The following XKR9 variants were observed in gnomAD, a reference collection of about 807,000 sequenced individuals.
XKR9 encodes XK-related protein 9.
XKR9 carries 32 observed loss-of-function variants against 32.0 expected under a neutral mutation model. The ratio of observed to expected loss-of-function variants is 1.00; its 90% CI spans 0.76 to 1.34. The LOEUF (loss-of-function observed/expected upper bound fraction) is 1.34, where lower values mean the gene tolerates loss of function less well. Ranked by LOEUF, XKR9 falls within the 40% of genes most tolerant of loss-of-function variation. The pLI, the probability that XKR9 is intolerant of heterozygous loss-of-function variation, is 0.00. For synonymous variants in XKR9, 168 were observed against 143.4 expected, an observed-to-expected ratio of 1.17 and a Z score of -1.22; for missense variants, 546 against 429.7, an observed-to-expected ratio of 1.27 and a Z score of -2.39.
intron 3 of XKR9, among the ~76,000 whole-genome samples, chr8:70,700,404 A>G (rs928790886): frequency 3.9e-5 from 6 of 152,218 alleles, no homozygotes; most frequent in African/African-American, 1.4e-4. Context: ...TCTGACAGAC[A>G]GGACCCTCAG....
At chr8:70,871,902 C>A in the XKR9 span, among the ~76,000 whole-genome samples, 2 of 152,212 alleles carry the variant, frequency 1.3e-5, no homozygotes, top group Non-Finnish European at 2.9e-5. Flanking sequence ...GTTCCATATT[C>A]TAGTTCTAGT....
intron 2 of XKR9, among the ~76,000 whole-genome samples, chr8:70,752,144 C>A (rs1207537782): frequency 6.6e-6 from 1 of 152,222 alleles, no homozygotes; most frequent in Non-Finnish European, 1.5e-5. Context: ...TAAGCAACCA[C>A]AATCTGCCTT....
chr8:70,925,320 G>A, the XKR9 span, among the ~76,000 whole-genome samples: 2 of 152,032 alleles, frequency 1.3e-5, no homozygotes, highest in Non-Finnish European at 2.9e-5. Context: ...AATATGTGTT[G>A]AATAAAGAAC....
At chr8:70,785,403 C>T (rs1807671428) in intron 2 of XKR9, among the ~76,000 whole-genome samples, 2 of 151,836 alleles carry the variant, frequency 1.3e-5, no homozygotes, top group South Asian at 4.1e-4. Flanking sequence ...TATTTTTAAT[C>T]AGTCTAACTG....
At chr8:70,747,166 A>G (rs1807069963) in intron 2 of XKR9, among the ~76,000 whole-genome samples, 1 of 152,142 alleles carries the variant, frequency 6.6e-6, no homozygotes, top group African/African-American at 2.4e-5. Flanking sequence ...CCATTGATAA[A>G]CACCTGGGTT....
downstream of XKR9, chr8:70,790,419 C>G (rs1216004544): frequency 2.0e-5 from 3 of 152,022 alleles, no homozygotes; most frequent in African/African-American, 7.2e-5. Flanking sequence ...ATATTTTGTA[C>G]TTAGTCATTC....
At chr8:70,727,834 G>A (rs951750500) in intron 4 of XKR9, among the ~76,000 whole-genome samples, 1 of 151,742 alleles carries the variant, frequency 6.6e-6, no homozygotes, top group Non-Finnish European at 1.5e-5. Context: ...TTGGGTGGGG[G>A]CTACGAGATC....
intron 2 of XKR9, among the ~76,000 whole-genome samples, chr8:70,758,218 G>A (rs1338057674): frequency 6.6e-6 from 1 of 152,000 alleles, no homozygotes; most frequent in African/African-American, 2.4e-5. Flanking sequence ...TCGTTCCTTA[G>A]GGAGGCACAG....
chr8:70,774,299 T>A (rs1807490521), intron 2 of XKR9, among the ~76,000 whole-genome samples: 1 of 152,166 alleles, frequency 6.6e-6, no homozygotes, highest in Non-Finnish European at 1.5e-5. Flanking sequence ...TTTAATTTTT[T>A]AACAATTTAA....
At chr8:70,802,176 G>A in the XKR9 span, among the ~76,000 whole-genome samples, 2 of 151,592 alleles carry the variant, frequency 1.3e-5, no homozygotes, top group Non-Finnish European at 2.9e-5. Flanking sequence ...GACCTCGTGA[G>A]CCGCCCGCCT....
the XKR9 span, among the ~76,000 whole-genome samples, chr8:70,941,237 T>C: frequency 3.3e-5 from 5 of 151,990 alleles, no homozygotes; most frequent in Non-Finnish European, 2.9e-5. Flanking sequence ...TAACCTTTTG[T>C]GTCTGGGTTC....
At chr8:71,038,330 T>G in the XKR9 span, among the ~76,000 whole-genome samples, 1 of 150,848 alleles carries the variant, frequency 6.6e-6, no homozygotes, top group African/African-American at 2.4e-5. Flanking sequence ...CTTTGTTTTT[T>G]TTTTTTTTGA....
chr8:70,857,590 A>G, the XKR9 span, among the ~76,000 whole-genome samples: 1,018 of 152,340 alleles, frequency 6.7e-3, 5 homozygotes, highest in South Asian at 0.018. Context: ...ATAGAAAAAG[A>G]GGGAATCCTC....
At chr8:70,834,344 T>C in the XKR9 span, among the ~76,000 whole-genome samples, 1 of 152,136 alleles carries the variant, frequency 6.6e-6, no homozygotes, top group Non-Finnish European at 1.5e-5. Flanking sequence ...ATTCTTTCTT[T>C]GTTGAGGGAC....
chr8:70,828,248 T>C, the XKR9 span, among the ~76,000 whole-genome samples: 2 of 152,246 alleles, frequency 1.3e-5, no homozygotes, highest in African/African-American at 4.8e-5. Flanking sequence ...AGGAGTGCTC[T>C]ATCCTCAAAG....
chr8:70,923,999 C>A, the XKR9 span, among the ~76,000 whole-genome samples: 6 of 152,152 alleles, frequency 3.9e-5, no homozygotes, highest in Admixed American at 3.9e-4. Flanking sequence ...TGTTGGTGAA[C>A]TGGTTCTCTC....
rs566800447 is a variant in XKR9 at position 70,757,653 on chromosome 8, C to G, written n.353-31686C>G. Among the ~76,000 whole-genome samples, 3 of 152,280 alleles carry G rather than the reference C, an allele frequency of 2.0e-5. No individual in the cohort carries two copies. The South Asian group carries it at 6.2e-4, about 32-fold the overall frequency. On this transcript the variant is annotated intron_variant and non_coding_transcript_variant, in intron 2 of 3. Transcript: ENST00000520273. Reference sequence around the variant, plus strand: ...CCAGGCTGGCATGTGGTGCCGCAATCTCGGCTCACTGCAACCTCTGCCTCT... The same window carrying G: ...CCAGGCTGGCATGTGGTGCCGCAATGTCGGCTCACTGCAACCTCTGCCTCT...
the XKR9 span, among the ~76,000 whole-genome samples, chr8:70,912,209 T>C: frequency 7.9e-5 from 12 of 152,270 alleles, no homozygotes; most frequent in African/African-American, 2.9e-4. Flanking sequence ...TGGTGTTTGC[T>C]GTAATTAGAA....
rs1352630142 is a variant in XKR9 at position 70,731,269 on chromosome 8, GAGAA to G, written c.494-2523_494-2520del. 3.9e-5 allele frequency among the ~76,000 whole-genome samples: 6 copies of G among 152,000 alleles called. No individual in the cohort carries two copies. The South Asian group carries it at 1.2e-3, about 32-fold the overall frequency. ...TGTCTACCATTTACATACACACACA[GAGAA>G]AGAGAGAGAGAGAAAGAGACCAGAA... On this transcript the variant is annotated intron_variant, in intron 4 of 4. Transcript: ENST00000408926.
Sources: allele counts gnomAD v4.1 joint callset (sites outside exome capture counted in the v4.1 genomes callset), GRCh38; gene constraint gnomAD v4.1.1; transcripts MANE v1.5; gene names NCBI Gene and HGNC (gene_info 2026-07-23, HGNC 2026-07-21).